Variants in NFAT5 observed in about 807,000 individuals in gnomAD.
The protein encoded by NFAT5 is nuclear factor of activated T cells 5, also known as nuclear factor of activated T-cells 5.
NFAT5 carries 31 observed loss-of-function variants against 166.5 expected under a neutral mutation model. That is an observed-to-expected ratio of 0.19 (90% CI 0.14 to 0.25). NFAT5 has a LOEUF of 0.25. Among genes scored for constraint, NFAT5 ranks in the 10% least tolerant of loss-of-function variants. The probability of loss-of-function intolerance (pLI) is 1.00; values close to 1 mark genes in which losing one functional copy is unlikely to be tolerated. For synonymous variants in NFAT5, 612 were observed against 639.7 expected (o/e 0.96, Z 0.65); for missense variants, 1,449 against 1,821.8 (o/e 0.80, Z 3.72).
intron 12 of NFAT5, 28 bp from the exon 13 acceptor site, chr16:69,691,721 A>G (rs2037551849): frequency 5.8e-6 from 9 of 1,550,140 alleles, no homozygotes; most frequent in East Asian, 4.5e-5. Flanking sequence ...TTATATATTC[A>G]TAATATTTGG....
chr16:69,609,788 C>T (rs1346227527), intron 2 of NFAT5, among the ~76,000 whole-genome samples: 1 of 140,392 alleles, frequency 7.1e-6, no homozygotes, highest in Non-Finnish European at 1.5e-5. Flanking sequence ...CAAGACCAGC[C>T]TGGACAACAT....
At chr16:69,621,112 G>A (rs1302342450) in intron 2 of NFAT5, among the ~76,000 whole-genome samples, 1 of 152,090 alleles carries the variant, frequency 6.6e-6, no homozygotes, top group East Asian at 1.9e-4. Flanking sequence ...AGACAAATTA[G>A]TTTGCAGCTT....
At chr16:69,646,975 C>T in intron 3 of NFAT5, 53 bp from the exon 4 acceptor site, 1 of 1,390,884 alleles carries the variant, frequency 7.2e-7, no homozygotes, top group Non-Finnish European at 9.7e-7. Context: ...GACTGCTAGC[C>T]AGCATAGGTG....
chr16:69,570,885 G>A (rs1050619411), intron 2 of NFAT5, among the ~76,000 whole-genome samples: 5 of 152,042 alleles, frequency 3.3e-5, no homozygotes, highest in African/African-American at 9.7e-5. Context: ...CAATAATAGT[G>A]CCTCATCCTA....
intron 3 of NFAT5, among the ~76,000 whole-genome samples, chr16:69,646,338 A>ATG (rs2035438385): frequency 1.3e-5 from 2 of 152,234 alleles, no homozygotes; most frequent in Non-Finnish European, 2.9e-5. Context: ...GTTCCAAATC[A>ATG]TACCTTTTTC....
At chr16:69,588,825 C>CCATGTTGA (rs1326829164) in intron 2 of NFAT5, among the ~76,000 whole-genome samples, 3 of 152,088 alleles carry the variant, frequency 2.0e-5, no homozygotes, top group African/African-American at 7.2e-5. Flanking sequence ...GAGAACCCAT[C>CCATGTTGA]CATGTTGAAA....
At chr16:69,592,467 C>T (rs2032528544) in intron 2 of NFAT5, among the ~76,000 whole-genome samples, 1 of 151,982 alleles carries the variant, frequency 6.6e-6, no homozygotes. Context: ...TATCTAAAAT[C>T]TTGTGAACAT....
At chr16:69,691,702 G>C (rs1425925843) in intron 12 of NFAT5, 47 bp from the exon 13 acceptor site, 5 of 1,449,998 alleles carry the variant, frequency 3.4e-6, no homozygotes, top group Non-Finnish European at 4.7e-6. Flanking sequence ...TTACAAACTT[G>C]TTTAATGTTT....
At chr16:69,674,602 G>A (rs1452159019) in intron 9 of NFAT5, among the ~76,000 whole-genome samples, 2 of 152,124 alleles carry the variant, frequency 1.3e-5, no homozygotes, top group African/African-American at 4.8e-5. Context: ...GGAAGAACTA[G>A]ACTAAACAAA....
intron 7 of NFAT5, among the ~76,000 whole-genome samples, chr16:69,666,839 T>C (rs1353013562): frequency 3.9e-5 from 6 of 152,114 alleles, no homozygotes; most frequent in Non-Finnish European, 8.8e-5. Flanking sequence ...CCCAAAGGAC[T>C]ATAAATCATG....
chr16:69,607,489 A>C (rs1008171301), intron 2 of NFAT5, among the ~76,000 whole-genome samples: 1 of 152,244 alleles, frequency 6.6e-6, no homozygotes, highest in Non-Finnish European at 1.5e-5. Context: ...ATGAAAATTT[A>C]TGTGCTTTTA....
intron 4 of NFAT5, among the ~76,000 whole-genome samples, chr16:69,650,930 A>C (rs1597471182): frequency 6.6e-6 from 1 of 152,342 alleles, no homozygotes; most frequent in Middle Eastern, 3.4e-3. Flanking sequence ...GTTAGACCAA[A>C]TGTTTGAATC....
At chr16:69,618,056 G>A (rs557379183) in intron 2 of NFAT5, among the ~76,000 whole-genome samples, 86 of 151,862 alleles carry the variant, frequency 5.7e-4, no homozygotes, top group Non-Finnish European at 3.1e-4. Flanking sequence ...TATTTGGGAG[G>A]CTGAGGCAAG....
chr16:69,677,434 C>A, intron 10 of NFAT5, 99 bp downstream of exon 10: 4 of 973,230 alleles, frequency 4.1e-6, no homozygotes, highest in Non-Finnish European at 4.4e-6. Flanking sequence ...GAAAGTTGCT[C>A]ACTAAGATGA....
intron 2 of NFAT5, among the ~76,000 whole-genome samples, chr16:69,581,980 G>C (rs2031727758): frequency 6.6e-6 from 1 of 152,034 alleles, no homozygotes; most frequent in South Asian, 2.1e-4. Context: ...GGGTTATTAG[G>C]CCGGGTGGGC....
rs756137446 is a variant in NFAT5, at chr16:69,692,561, C to T, written c.2736C>T (p.Ala912=). 14 of 1,613,974 alleles carry T rather than the reference C, an allele frequency of 8.7e-6. No individual in the cohort carries two copies. Among genetic ancestry groups the T allele is most frequent in the Non-Finnish European group, 1.0e-5 (12 of 1,180,028 alleles). ...QQQQQVMESS[A]AMVMEMQQSI... ...AACAGCAAGTGATGGAATCTTCAGC[C>T]GCAATGGTGATGGAGATGCAACAGA... Residue 912 remains alanine, a synonymous_variant, in exon 13 of 15, where the codon GCC becomes GCT. Transcript: ENST00000349945.
chr16:69,684,885 A>G lies in NFAT5; in HGVS notation c.1691-2A>G. ...TAAATACATTAATCTTTTTTTTAAT[A>G]GCAGCAGCTGGTGCTTTGAATGTAA... On this transcript the variant is annotated splice_acceptor_variant, in intron 10 of 14. Transcript: ENST00000349945. LOFTEE classifies it high-confidence loss of function. The G allele has an allele frequency of 6.3e-7, 1 of 1,593,576 alleles. No individual in the cohort carries two copies. Among genetic ancestry groups the G allele is most frequent in the African/African-American group, 1.4e-5 (1 of 74,060 alleles).
intron 3 of NFAT5, among the ~76,000 whole-genome samples, chr16:69,637,753 A>C (rs1443096920): frequency 6.6e-6 from 1 of 152,230 alleles, no homozygotes; most frequent in East Asian, 1.9e-4. Context: ...GTGGGGATAC[A>C]TAGCTAAACC....
intron 2 of NFAT5, among the ~76,000 whole-genome samples, chr16:69,620,309 C>G (rs2034139638): frequency 2.0e-5 from 3 of 152,152 alleles, no homozygotes; most frequent in Admixed American, 2.0e-4. Context: ...TGCCCTAATT[C>G]TACTACATGG....
Sources: allele counts gnomAD v4.1 joint callset (sites outside exome capture counted in the v4.1 genomes callset), GRCh38; gene constraint gnomAD v4.1.1; transcripts MANE v1.5; gene names NCBI Gene and HGNC (gene_info 2026-07-23, HGNC 2026-07-21).